The following RHBDD1 variants were observed in gnomAD, a reference collection of about 807,000 sequenced individuals.
RHBDD1 encodes rhomboid domain containing 1.
In RHBDD1, 38 loss-of-function variants were observed where a neutral mutation model predicts 36.3. The ratio of observed to expected loss-of-function variants is 1.05; its 90% confidence interval spans 0.81 to 1.37. RHBDD1 has a LOEUF of 1.37. Among genes scored for constraint, RHBDD1 ranks in the 40% most tolerant of loss-of-function variants. The pLI, the probability that RHBDD1 is intolerant of heterozygous loss-of-function variation, is 0.00. For missense variants in RHBDD1, 393 were observed against 377.6 expected (o/e 1.04, Z -0.34); for synonymous variants, 151 against 136.5 (o/e 1.11, Z -0.74).
At chr2:226,848,642 C>T (rs1357598539) in intron 3 of RHBDD1, among the ~76,000 whole-genome samples, 2 of 152,174 alleles carry the variant, frequency 1.3e-5, no homozygotes, top group African/African-American at 2.4e-5. Context: ...TTACCAGAAG[C>T]CACTAAAGAC....
upstream of RHBDD1, among the ~76,000 whole-genome samples, chr2:226,831,705 C>T (rs559066381): frequency 8.8e-4 from 127 of 144,700 alleles, no homozygotes; most frequent in Middle Eastern, 3.6e-3. Context: ...GTTTATAATA[C>T]TTTTTTTTTT....
At chr2:226,810,540 C>CAAAA in the RHBDD1 span, among the ~76,000 whole-genome samples, 512 of 33,834 alleles carry the variant, frequency 0.015, 24 homozygotes, top group African/African-American at 0.018. Flanking sequence ...GACTCCGTCT[C>CAAAA]AAAAAAAAAA....
At position 226,869,311 on chromosome 2, in the gene RHBDD1, A is replaced by G. The variant is rs142053312; in HGVS notation, c.566+1993A>G. 604 of 367,928 alleles carry G rather than the reference A, an allele frequency of 1.6e-3. 2 individuals carry two copies. The highest frequency in any genetic ancestry group is 2.1e-3 in the Non-Finnish European group (550 of 265,594). The allele number at this position is 367,928 out of a possible 1,614,324, so 22.8% of individuals were successfully genotyped here. A position where few individuals can be genotyped will look rare whatever the true frequency, so the allele number is the denominator to read the frequency against. On this transcript the variant is annotated intron_variant, in intron 5 of 8. Coordinates refer to ENST00000392062, the MANE Select transcript of RHBDD1 (RefSeq NM_001167608.3). ...TGACTGCTTTGAATGATAAACTTCT[A>G]ATATACAAGCATCTACTTACACATG... is the stretch of plus-strand genomic sequence containing the variant.
the RHBDD1 span, among the ~76,000 whole-genome samples, chr2:226,818,864 A>C: frequency 6.6e-6 from 1 of 150,400 alleles, no homozygotes; most frequent in East Asian, 1.9e-4. Flanking sequence ...AACAAAAACA[A>C]AAAAACAAAA....
chr2:226,967,686 T>C (rs531008326), intron 8 of RHBDD1, among the ~76,000 whole-genome samples: 134 of 152,200 alleles, frequency 8.8e-4, no homozygotes, highest in Middle Eastern at 3.4e-3. Context: ...CTTGATAAAT[T>C]TTAATTGTTA....
intron 8 of RHBDD1, among the ~76,000 whole-genome samples, chr2:226,968,065 C>T (rs947471462): frequency 1.3e-5 from 2 of 152,170 alleles, no homozygotes; most frequent in Admixed American, 1.3e-4. Context: ...TCTTGCATAA[C>T]ATAATTTAAT....
rs1468647545 is a variant in RHBDD1, at chr2:226,844,054, T to A, written c.-91+4427T>A. On this transcript the variant is annotated intron_variant, in intron 3 of 8. Coordinates refer to ENST00000392062, the MANE Select transcript of RHBDD1 (RefSeq NM_001167608.3). ...GCCATTTCTTCTAGATTTTCTGGTT[T>A]ATGTGCATAAAGGTCAGCAGCTAAG... Among the ~76,000 whole-genome samples the A allele has an allele frequency of 2.6e-5, 4 of 152,294 alleles. No individual in the cohort carries two copies. The East Asian group carries it at 7.7e-4, about 29-fold the overall frequency.
chr2:226,845,224 G>A (rs939232339), intron 3 of RHBDD1, among the ~76,000 whole-genome samples: 6 of 152,162 alleles, frequency 3.9e-5, no homozygotes, highest in African/African-American at 9.7e-5. Flanking sequence ...AAAATGTAGG[G>A]TCACAGAAAG....
the RHBDD1 span, chr2:226,803,944 A>T: frequency 6.6e-6 from 1 of 152,222 alleles, no homozygotes; most frequent in Non-Finnish European, 1.5e-5. Context: ...TGCATTTTTA[A>T]CATACTCTAG....
chr2:226,848,151 A>G (rs534018032), intron 3 of RHBDD1, among the ~76,000 whole-genome samples: 1 of 152,336 alleles, frequency 6.6e-6, no homozygotes, highest in Admixed American at 6.5e-5. Flanking sequence ...TGTGATAACA[A>G]TTACCAAAAG....
intron 5 of RHBDD1, among the ~76,000 whole-genome samples, chr2:226,906,011 G>A (rs16822905): frequency 4.0e-5 from 6 of 151,756 alleles, no homozygotes; most frequent in Admixed American, 3.3e-4. Flanking sequence ...TTTGAGAATC[G>A]CCAGTAATTT....
chr2:226,945,171 T>C (rs1021853058), intron 8 of RHBDD1, among the ~76,000 whole-genome samples: 1 of 149,698 alleles, frequency 6.7e-6, no homozygotes, highest in African/African-American at 2.4e-5. Context: ...ATTATTATTA[T>C]TATTATACTT....
chr2:226,886,952 GA>G (rs1414661624), intron 5 of RHBDD1, among the ~76,000 whole-genome samples: 6 of 151,660 alleles, frequency 4.0e-5, no homozygotes, highest in South Asian at 2.1e-4. Context: ...AACTAAAAAG[GA>G]AAAAATGATA....
intron 5 of RHBDD1, among the ~76,000 whole-genome samples, chr2:226,906,228 A>G (rs1948042081): frequency 6.6e-6 from 1 of 152,212 alleles, no homozygotes; most frequent in African/African-American, 2.4e-5. Flanking sequence ...ATTTAAATGT[A>G]TGTTTCTTTG....
chr2:226,884,376 A>G (rs1946042891), intron 5 of RHBDD1, among the ~76,000 whole-genome samples: 1 of 152,152 alleles, frequency 6.6e-6, no homozygotes, highest in Admixed American at 6.6e-5. Context: ...AGCTGAGAAC[A>G]GGCTGCAGCC....
intron 8 of RHBDD1, among the ~76,000 whole-genome samples, chr2:226,928,117 A>G (rs921379084): frequency 3.3e-5 from 5 of 152,058 alleles, no homozygotes; most frequent in Admixed American, 3.3e-4. Flanking sequence ...GTTTTTATAT[A>G]AGATGTGAGG....
At chr2:226,875,497 C>T (rs141011914) in intron 5 of RHBDD1, among the ~76,000 whole-genome samples, 1 of 152,064 alleles carries the variant, frequency 6.6e-6, no homozygotes, top group Admixed American at 6.6e-5. Context: ...CCGTACCCAT[C>T]GAGACTTCAC....
At chr2:226,804,465 G>GGGT in the RHBDD1 span, 1 of 152,178 alleles carries the variant, frequency 6.6e-6, no homozygotes, top group Non-Finnish European at 1.5e-5. Context: ...TACTACAGCT[G>GGGT]GGTGGAGCAG....
chr2:226,908,617 AC>A, intron 6 of RHBDD1: 4 of 570,692 alleles, frequency 7.0e-6, no homozygotes, highest in Non-Finnish European at 6.2e-6. Flanking sequence ...ACACACACAC[AC>A]ACATTCTTTT....
Sources: gnomAD v4.1 joint callset for allele counts (sites outside exome capture counted in the v4.1 genomes callset) on GRCh38, gnomAD v4.1.1 for gene constraint, MANE v1.5 for transcripts, NCBI Gene and HGNC (gene_info 2026-07-23, HGNC 2026-07-21) for gene names.